The following NR3C1 variants were observed in gnomAD, a reference collection of about 807,000 sequenced individuals.
NR3C1 encodes nuclear receptor subfamily 3 group C member 1.
NR3C1 carries 14 observed loss-of-function variants against 74.0 expected under a neutral mutation model. The observed-to-expected ratio is 0.19, with a 90% confidence interval of 0.12 to 0.30. The LOEUF is 0.30. Ranked by LOEUF, NR3C1 falls within the 10% of genes least tolerant of loss-of-function variation. The pLI is 1.00. For synonymous variants in NR3C1, 308 were observed against 332.5 expected (o/e 0.93, Z 0.80); for missense variants, 695 against 909.8 (o/e 0.76, Z 3.04).
intron 2 of NR3C1, among the ~76,000 whole-genome samples, chr5:143,330,498 TA>T (rs1194328819): frequency 7.2e-5 from 11 of 152,230 alleles, no homozygotes; most frequent in Non-Finnish European, 1.3e-4. Flanking sequence ...TGTATCTTCA[TA>T]AAAGTATTGC....
intron 1 of NR3C1, chr5:143,401,286 C>CCT (rs1339804505): frequency 5.4e-4 from 126 of 231,952 alleles, no homozygotes; most frequent in African/African-American, 2.8e-3. Context: ...GTTTGCTTTT[C>CCT]TGAGAACCAA....
intron 6 of NR3C1, among the ~76,000 whole-genome samples, chr5:143,296,402 T>C (rs1599741736): frequency 6.6e-6 from 1 of 152,288 alleles, no homozygotes; most frequent in East Asian, 1.9e-4. Flanking sequence ...ATGACTTATA[T>C]GCTGCCAAAG....
At chr5:143,418,559 C>T (rs1454712376) in intron 1 of NR3C1, among the ~76,000 whole-genome samples, 1 of 152,196 alleles carries the variant, frequency 6.6e-6, no homozygotes, top group Non-Finnish European at 1.5e-5. Context: ...TGCCTCTGTG[C>T]AGTGAGCTGG....
chr5:143,374,014 T>C (rs986609769), intron 2 of NR3C1, among the ~76,000 whole-genome samples: 4 of 152,220 alleles, frequency 2.6e-5, no homozygotes, highest in Non-Finnish European at 5.9e-5. Context: ...CTTCAACAAC[T>C]GTCTTATTTT....
chr5:143,322,686 T>C (rs1823634128), intron 2 of NR3C1, among the ~76,000 whole-genome samples: 1 of 152,320 alleles, frequency 6.6e-6, no homozygotes, highest in Middle Eastern at 3.4e-3. Context: ...AGAACAGTTG[T>C]GTCTATATTC....
At chr5:143,361,860 A>C (rs941176352) in intron 2 of NR3C1, among the ~76,000 whole-genome samples, 4 of 152,188 alleles carry the variant, frequency 2.6e-5, no homozygotes, top group African/African-American at 9.7e-5. Context: ...AATGTACAGG[A>C]ATCATTAGAT....
upstream of NR3C1, chr5:143,405,412 C>T (rs1841052436): frequency 1.1e-6 from 1 of 943,990 alleles, no homozygotes; most frequent in South Asian, 4.9e-5. Context: ...GTCCCGGAAG[C>T]CGCCCGCCGC....
At chr5:143,309,110 T>C (rs1366315406) in intron 4 of NR3C1, among the ~76,000 whole-genome samples, 1 of 150,382 alleles carries the variant, frequency 6.6e-6, no homozygotes, top group East Asian at 1.9e-4. Flanking sequence ...AGTCTTGCTC[T>C]GTCGCCAAGC....
Position 143,403,655 on chromosome 5 carries a change from G to A in NR3C1, c.-458C>T, listed in dbSNP as rs1252605595. ...AGGGCAGCCCGGCCTGGGCGAGCGA[G>A]CGGGACCGAGCGGGGAGCGGGTGGA... On this transcript the variant is annotated 5_prime_UTR_variant, in exon 1 of 9. Transcript: ENST00000394464. 1.1e-5 allele frequency: 11 copies of A among 985,186 alleles called. No individual in the cohort carries two copies. In the East Asian group the frequency reaches 3.4e-4, roughly 30 times the overall value. 61.0% of individuals were successfully genotyped at this position (985,186 alleles called of 1,614,324 possible). A position where few individuals can be genotyped will look rare whatever the true frequency, so the allele number is the denominator to read the frequency against.
intron 2 of NR3C1, among the ~76,000 whole-genome samples, chr5:143,354,220 T>C (rs72801077): frequency 0.013 from 1,930 of 152,376 alleles, 18 homozygotes; most frequent in Non-Finnish European, 0.02. Context: ...ACTAAAACTT[T>C]CTTCGTATCA....
At chr5:143,288,773 C>A (rs972060928) in intron 7 of NR3C1, among the ~76,000 whole-genome samples, 5 of 152,086 alleles carry the variant, frequency 3.3e-5, no homozygotes, top group Middle Eastern at 3.4e-3. Flanking sequence ...ACACCCAGCC[C>A]CAAAAGACTT....
At chr5:143,340,945 A>G (rs1393924074) in intron 2 of NR3C1, among the ~76,000 whole-genome samples, 1 of 152,076 alleles carries the variant, frequency 6.6e-6, no homozygotes, top group Non-Finnish European at 1.5e-5. Context: ...CCAGTACCCA[A>G]TAGTTGTATC....
intron 1 of NR3C1, among the ~76,000 whole-genome samples, chr5:143,418,229 C>A (rs1561813166): frequency 6.6e-6 from 1 of 152,106 alleles, no homozygotes; most frequent in African/African-American, 2.4e-5. Flanking sequence ...CTCATAAAGC[C>A]ATTTATTTAC....
intron 7 of NR3C1, among the ~76,000 whole-genome samples, chr5:143,286,273 C>A (rs1257059106): frequency 6.6e-6 from 1 of 152,158 alleles, no homozygotes; most frequent in African/African-American, 2.4e-5. Flanking sequence ...TTTTACCAAA[C>A]GTTTAAGAAA....
intron 7 of NR3C1, chr5:143,293,948 C>G: frequency 1.0e-6 from 1 of 983,720 alleles, no homozygotes. Context: ...AAGCTATGAT[C>G]AGAATTTTAT....
rs987338118 is a variant in NR3C1, at chr5:143,300,922, CT to C, written c.1469-160del. Among the ~76,000 whole-genome samples the C allele has an allele frequency of 1.1e-4, 16 of 149,642 alleles. No individual in the cohort carries two copies. Among genetic ancestry groups the C allele is most frequent in the South Asian group, 1.1e-3 (5 of 4,708 alleles). ...AAGTGACATGGAAAAGGAGAAAAAA[CT>C]TTTTTTTTTCTGAAAGCAAAAGATC... is the stretch of plus-strand genomic sequence containing the variant. On this transcript the variant is annotated intron_variant, in intron 4 of 8. Transcript: ENST00000394464. The surrounding 1 kb of genome is among the most constrained non-coding windows in gnomAD (Gnocchi z 5.2).
chr5:143,374,212 GC>G (rs1351130639), intron 2 of NR3C1, among the ~76,000 whole-genome samples: 1 of 152,196 alleles, frequency 6.6e-6, no homozygotes, highest in East Asian at 1.9e-4. Context: ...TGAGTAAAGG[GC>G]CGGGTGTGGT....
At chr5:143,316,769 C>G (rs558764641) in intron 2 of NR3C1, among the ~76,000 whole-genome samples, 81 of 152,116 alleles carry the variant, frequency 5.3e-4, no homozygotes, top group Non-Finnish European at 1.1e-3. Flanking sequence ...AGCAGGCACT[C>G]AATACATGTT....
At chr5:143,387,917 C>CT (rs1398656159) in intron 2 of NR3C1, among the ~76,000 whole-genome samples, 1 of 152,162 alleles carries the variant, frequency 6.6e-6, no homozygotes, top group Non-Finnish European at 1.5e-5. Context: ...GATTTCTTGC[C>CT]TGACCTTCTA....
Sources: allele counts gnomAD v4.1 joint callset (sites outside exome capture counted in the v4.1 genomes callset), GRCh38; gene constraint gnomAD v4.1.1; non-coding constraint Gnocchi (gnomAD v3.1); transcripts MANE v1.5; gene names NCBI Gene and HGNC (gene_info 2026-07-23, HGNC 2026-07-21).